Variants in AGBL1 observed in about 807,000 individuals in gnomAD.
The protein encoded by AGBL1 is cytosolic carboxypeptidase 4.
AGBL1 carries 130 observed loss-of-function variants against 118.9 expected under a neutral mutation model. That is an observed-to-expected ratio of 1.09 (90% CI 0.95 to 1.26). AGBL1 has a LOEUF of 1.26. AGBL1 is among the 50% of genes most tolerant of loss of function. The probability of loss-of-function intolerance (pLI) is 0.00; values close to 1 mark genes in which losing one functional copy is unlikely to be tolerated. For synonymous variants in AGBL1, 555 were observed against 478.9 expected, an observed-to-expected ratio of 1.16 and a Z score of -2.08; for missense variants, 1,584 against 1,298.1, an observed-to-expected ratio of 1.22 and a Z score of -3.38.
intron 18 of AGBL1, among the ~76,000 whole-genome samples, chr15:86,434,648 A>G (rs1384448431): frequency 1.3e-5 from 2 of 152,210 alleles, no homozygotes; most frequent in Admixed American, 6.5e-5. Context: ...CATTTTCATC[A>G]AATGTCCTTA....
At chr15:86,868,964 G>A (rs936919359) in intron 22 of AGBL1, among the ~76,000 whole-genome samples, 1 of 152,198 alleles carries the variant, frequency 6.6e-6, no homozygotes, top group African/African-American at 2.4e-5. Flanking sequence ...CTTACAGCTA[G>A]GACATTCCCA....
chr15:86,799,310 A>G (rs2141345599), intron 22 of AGBL1, among the ~76,000 whole-genome samples: 1 of 152,216 alleles, frequency 6.6e-6, no homozygotes, highest in South Asian at 2.1e-4. Context: ...GTGGGCAGAA[A>G]TCTTCAGGCA....
At chr15:86,165,780 T>G (rs928950353) in intron 5 of AGBL1, among the ~76,000 whole-genome samples, 1 of 151,898 alleles carries the variant, frequency 6.6e-6, no homozygotes. Context: ...TTCAAATACC[T>G]TGGAACAGGA....
At chr15:86,099,159 T>C (rs747827569) in intron 1 of AGBL1, among the ~76,000 whole-genome samples, 26 of 152,136 alleles carry the variant, frequency 1.7e-4, no homozygotes, top group Middle Eastern at 3.4e-3. Flanking sequence ...ATTCTGATAA[T>C]GCACCTGAAA....
intron 22 of AGBL1, among the ~76,000 whole-genome samples, chr15:86,784,968 T>G (rs2078386141): frequency 6.6e-6 from 1 of 152,180 alleles, no homozygotes. Context: ...TTTTCTCAAG[T>G]GCCTTTTCAA....
At chr15:86,657,532 C>T (rs2085480340) in intron 21 of AGBL1, among the ~76,000 whole-genome samples, 1 of 152,086 alleles carries the variant, frequency 6.6e-6, no homozygotes, top group Admixed American at 6.6e-5. Context: ...GAGTGGAAAT[C>T]CATTGCCCCA....
chr15:86,353,390 A>ATT, intron 17 of AGBL1, among the ~76,000 whole-genome samples: 2 of 152,208 alleles, frequency 1.3e-5, no homozygotes, highest in Non-Finnish European at 2.9e-5. Context: ...AATAGCGAGG[A>ATT]TGTATCTAAT....
chr15:86,170,036 A>G (rs1249927236), intron 5 of AGBL1, among the ~76,000 whole-genome samples: 2 of 152,236 alleles, frequency 1.3e-5, no homozygotes, highest in African/African-American at 4.8e-5. Flanking sequence ...AGAAAGCACT[A>G]CCCATGAGGA....
intron 22 of AGBL1, among the ~76,000 whole-genome samples, chr15:86,848,558 C>G (rs1204969380): frequency 6.6e-6 from 1 of 152,136 alleles, no homozygotes; most frequent in Non-Finnish European, 1.5e-5. Context: ...GTCCCAAGAA[C>G]TAAACATAAT....
intron 22 of AGBL1, among the ~76,000 whole-genome samples, chr15:86,839,102 G>T (rs2079209821): frequency 2.0e-5 from 3 of 152,006 alleles, no homozygotes; most frequent in South Asian, 4.1e-4. Context: ...TAGAATGCAA[G>T]CAGAGAGAGG....
chr15:86,620,136 T>C (rs761771194), intron 21 of AGBL1, among the ~76,000 whole-genome samples: 1 of 152,106 alleles, frequency 6.6e-6, no homozygotes, highest in Non-Finnish European at 1.5e-5. Flanking sequence ...GTCCACAAAA[T>C]TGGTGGTGTC....
intron 23 of AGBL1, among the ~76,000 whole-genome samples, chr15:86,973,639 C>G (rs758945841): frequency 2.0e-5 from 3 of 151,824 alleles, no homozygotes; most frequent in South Asian, 4.2e-4. Context: ...ACAGACATAG[C>G]CATAGTAATC....
intron 5 of AGBL1, among the ~76,000 whole-genome samples, chr15:86,218,330 C>G (rs932015581): frequency 3.0e-4 from 46 of 152,178 alleles, no homozygotes; most frequent in African/African-American, 1.1e-3. Context: ...AGTATTTCCA[C>G]TCTCTGAAAA....
At position 86,763,766 on chromosome 15, in the gene AGBL1, G is replaced by T. The variant is rs560910655; in HGVS notation, c.3158+89330G>T. 1.4e-4 allele frequency among the ~76,000 whole-genome samples: 21 copies of T among 152,134 alleles called. No homozygotes were observed. The South Asian group carries it at 3.9e-3, about 29-fold the overall frequency. On this transcript the variant is annotated intron_variant, in intron 22 of 22. Coordinates refer to ENST00000614907, the MANE Select transcript of AGBL1 (RefSeq NM_001386094.1). ...CAAGTTACAATTGGTTTCTTTAGCT[G>T]TGAAACCAGAGTTTTACTGTAGCTT...
chr15:86,685,553 A>G (rs2086039211), intron 22 of AGBL1, among the ~76,000 whole-genome samples: 1 of 152,164 alleles, frequency 6.6e-6, no homozygotes, highest in Admixed American at 6.6e-5. Flanking sequence ...AATAAGTAGA[A>G]GGAAGAGACG....
intron 17 of AGBL1, among the ~76,000 whole-genome samples, chr15:86,335,016 GAC>G (rs2141870261): frequency 6.6e-6 from 1 of 152,264 alleles, no homozygotes; most frequent in East Asian, 1.9e-4. Flanking sequence ...CAGCAGTTTA[GAC>G]ACAGTTGAAG....
intron 23 of AGBL1, among the ~76,000 whole-genome samples, chr15:86,977,338 T>C (rs2081185588): frequency 6.6e-6 from 1 of 151,752 alleles, no homozygotes; most frequent in East Asian, 1.9e-4. Context: ...ATTAATTTTA[T>C]AATAAATTGT....
intron 22 of AGBL1, among the ~76,000 whole-genome samples, chr15:86,873,495 A>G (rs1202194692): frequency 1.3e-5 from 2 of 152,154 alleles, no homozygotes; most frequent in African/African-American, 4.8e-5. Context: ...GTCCCCATGA[A>G]AGACTTACAT....
intron 3 of AGBL1, among the ~76,000 whole-genome samples, chr15:86,144,449 T>C (rs895629105): frequency 6.6e-6 from 1 of 152,212 alleles, no homozygotes; most frequent in Non-Finnish European, 1.5e-5. Flanking sequence ...AAAGAAAATG[T>C]GGTACACATA....
Sources: gnomAD v4.1 joint callset for allele counts (sites outside exome capture counted in the v4.1 genomes callset) on GRCh38, gnomAD v4.1.1 for gene constraint, MANE v1.5 for transcripts, NCBI Gene and HGNC (gene_info 2026-07-23, HGNC 2026-07-21) for gene names.